Variants in AGBL1 observed in about 807,000 individuals in gnomAD.
AGBL1 encodes AGBL carboxypeptidase 1, also known as cytosolic carboxypeptidase 4.
A neutral mutation model predicts 118.9 loss-of-function variants in AGBL1; 130 were observed. The ratio of observed to expected loss-of-function variants is 1.09; its 90% CI spans 0.95 to 1.26. The LOEUF is 1.26. Ranked by LOEUF, AGBL1 falls within the 50% of genes most tolerant of loss-of-function variation. AGBL1 has a pLI of 0.00. For synonymous variants in AGBL1, 555 were observed against 478.9 expected (o/e 1.16, Z -2.08); for missense variants, 1,584 against 1,298.1 (o/e 1.22, Z -3.38).
intron 21 of AGBL1, among the ~76,000 whole-genome samples, chr15:86,594,086 T>C (rs2084374613): frequency 6.6e-6 from 1 of 152,032 alleles, no homozygotes. Flanking sequence ...CACACATGTC[T>C]GGCTATTTTT....
At chr15:86,384,777 T>A (rs2081160119) in intron 17 of AGBL1, among the ~76,000 whole-genome samples, 1 of 152,150 alleles carries the variant, frequency 6.6e-6, no homozygotes, top group Non-Finnish European at 1.5e-5. Flanking sequence ...TTCTTATAGT[T>A]TAGAGACAGA....
At chr15:86,919,610 A>ACACACC (rs1489212752), downstream of AGBL1, among the ~76,000 whole-genome samples, 1 of 147,056 alleles carries the variant, frequency 6.8e-6, no homozygotes, top group African/African-American at 2.5e-5. Flanking sequence ...ACACACACAC[A>ACACACC]CACCCGACTA....
intron 17 of AGBL1, among the ~76,000 whole-genome samples, chr15:86,331,223 C>CA (rs71144041): frequency 0.022 from 2,178 of 96,888 alleles, 48 homozygotes; most frequent in African/African-American, 0.046. Flanking sequence ...GACTCCATCT[C>CA]AAAAAAAAAA....
intron 6 of AGBL1, among the ~76,000 whole-genome samples, chr15:86,226,946 T>C (rs2141937038): frequency 6.6e-6 from 1 of 152,326 alleles, no homozygotes; most frequent in South Asian, 2.1e-4. Context: ...TCATCTGTAT[T>C]GGTTGTTGTA....
At chr15:86,168,399 A>G (rs1207299269) in intron 5 of AGBL1, among the ~76,000 whole-genome samples, 1 of 152,182 alleles carries the variant, frequency 6.6e-6, no homozygotes, top group African/African-American at 2.4e-5. Flanking sequence ...AAAAGCATGA[A>G]AACAATGAGT....
At chr15:86,928,299 C>G (rs1203631094) in intron 23 of AGBL1, among the ~76,000 whole-genome samples, 2 of 152,062 alleles carry the variant, frequency 1.3e-5, no homozygotes, top group East Asian at 1.9e-4. Flanking sequence ...GGCATAGGCA[C>G]AGAGAGAAGC....
chr15:87,016,745 A>G (rs922922969), intron 24 of AGBL1, among the ~76,000 whole-genome samples: 1 of 152,070 alleles, frequency 6.6e-6, no homozygotes, highest in Non-Finnish European at 1.5e-5. Flanking sequence ...AGCCAAAGGA[A>G]CCACCACCCC....
At chr15:86,420,456 T>C (rs2081771769) in intron 18 of AGBL1, among the ~76,000 whole-genome samples, 1 of 152,004 alleles carries the variant, frequency 6.6e-6, no homozygotes, top group Non-Finnish European at 1.5e-5. Flanking sequence ...AGAAACCCCA[T>C]CTGAAGGTCA....
chr15:87,028,821 T>G (rs771880304), intron 24 of AGBL1: 3 of 1,605,752 alleles, frequency 1.9e-6, no homozygotes, highest in Non-Finnish European at 2.6e-6. Flanking sequence ...TTATTCCTTC[T>G]CAGAGTTTGT....
intron 18 of AGBL1, among the ~76,000 whole-genome samples, chr15:86,463,098 CTGT>C (rs2082353923): frequency 6.6e-6 from 1 of 152,274 alleles, no homozygotes; most frequent in East Asian, 1.9e-4. Context: ...TCTCCAGCAC[CTGT>C]TGTTTCCTGA....
intron 22 of AGBL1, among the ~76,000 whole-genome samples, chr15:86,812,293 C>T (rs1178610830): frequency 2.0e-5 from 3 of 152,146 alleles, no homozygotes; most frequent in African/African-American, 7.2e-5. Flanking sequence ...CTAATTCTGA[C>T]ACCCCAATAT....
At chr15:86,973,970 T>C (rs55650926) in intron 23 of AGBL1, among the ~76,000 whole-genome samples, 48 of 134,922 alleles carry the variant, frequency 3.6e-4, no homozygotes, top group African/African-American at 1.1e-3. Flanking sequence ...ACATATTTAA[T>C]ATATTAAATA....
intron 5 of AGBL1, among the ~76,000 whole-genome samples, chr15:86,219,626 T>A (rs1305981470): frequency 6.6e-6 from 1 of 152,042 alleles, no homozygotes; most frequent in Non-Finnish European, 1.5e-5. Context: ...CTTGAGTTCT[T>A]TGTCTTTGTC....
intron 17 of AGBL1, among the ~76,000 whole-genome samples, chr15:86,354,951 G>A (rs2080689622): frequency 6.6e-6 from 1 of 152,200 alleles, no homozygotes; most frequent in Non-Finnish European, 1.5e-5. Context: ...GTGCTGTTGT[G>A]GACTTTGAAG....
At chr15:86,171,660 C>G (rs1885112070) in intron 5 of AGBL1, among the ~76,000 whole-genome samples, 1 of 152,064 alleles carries the variant, frequency 6.6e-6, no homozygotes, top group Admixed American at 6.5e-5. Context: ...AGTGGAGTTC[C>G]TCTCCACTCA....
At chr15:86,811,414 T>A (rs147753805) in intron 22 of AGBL1, among the ~76,000 whole-genome samples, 2 of 152,170 alleles carry the variant, frequency 1.3e-5, no homozygotes, top group South Asian at 2.1e-4. Context: ...TGACCGTGGT[T>A]CTTTTTGGAG....
At chr15:86,766,399 G>A (rs1245971618) in intron 22 of AGBL1, among the ~76,000 whole-genome samples, 1 of 151,812 alleles carries the variant, frequency 6.6e-6, no homozygotes, top group Non-Finnish European at 1.5e-5. Flanking sequence ...ACTACTTATG[G>A]TATAAATGGA....
intron 1 of AGBL1, among the ~76,000 whole-genome samples, chr15:86,082,458 C>T (rs542396854): frequency 6.6e-6 from 1 of 152,172 alleles, no homozygotes; most frequent in East Asian, 1.9e-4. Flanking sequence ...TCTCAGTTCC[C>T]ATGTCTTTTA....
intron 22 of AGBL1, among the ~76,000 whole-genome samples, chr15:86,839,804 C>T (rs965475156): frequency 2.6e-5 from 4 of 152,168 alleles, no homozygotes; most frequent in Non-Finnish European, 5.9e-5. Context: ...AGGGCAAAAA[C>T]CATTCAACCC....
Sources: allele counts gnomAD v4.1 joint callset (sites outside exome capture counted in the v4.1 genomes callset), GRCh38; gene constraint gnomAD v4.1.1; transcripts MANE v1.5; gene names NCBI Gene and HGNC (gene_info 2026-07-23, HGNC 2026-07-21).